The following FNDC3B variants were observed in gnomAD, a reference collection of about 807,000 sequenced individuals.
FNDC3B encodes fibronectin type III domain-containing protein 3B.
FNDC3B carries 12 observed loss-of-function variants against 151.5 expected under a neutral mutation model. That is an observed-to-expected ratio of 0.08 (90% CI 0.05 to 0.13). The LOEUF is 0.13. Ranked by LOEUF, FNDC3B falls within the 10% of genes least tolerant of loss-of-function variation. FNDC3B has a pLI of 1.00. For missense variants in FNDC3B, 1,214 were observed against 1,505.3 expected, an observed-to-expected ratio of 0.81 and a Z score of 3.20; for synonymous variants, 528 against 549.0, an observed-to-expected ratio of 0.96 and a Z score of 0.54.
At chr3:172,356,225 G>A (rs981169038) in intron 22 of FNDC3B, among the ~76,000 whole-genome samples, 11 of 152,270 alleles carry the variant, frequency 7.2e-5, no homozygotes, top group Middle Eastern at 3.4e-3. Context: ...GGTAGCAGAC[G>A]AGTCAGACAG....
intron 22 of FNDC3B, among the ~76,000 whole-genome samples, chr3:172,358,929 A>C (rs952925713): frequency 2.9e-5 from 4 of 139,746 alleles, no homozygotes; most frequent in Non-Finnish European, 6.1e-5. Context: ...ACTGCTAAAG[A>C]GTGTTAAATG....
At chr3:172,078,722 C>T (rs1718140866) in intron 1 of FNDC3B, among the ~76,000 whole-genome samples, 2 of 152,128 alleles carry the variant, frequency 1.3e-5, no homozygotes, top group South Asian at 2.1e-4. Context: ...GCAATCTGCA[C>T]TAAACACTTT....
intron 7 of FNDC3B, among the ~76,000 whole-genome samples, chr3:172,292,792 T>C (rs1470938452): frequency 1.3e-5 from 2 of 152,226 alleles, no homozygotes; most frequent in Admixed American, 1.3e-4. Context: ...TACCTCAGGA[T>C]TACTCATTAA....
At chr3:172,284,892 A>G (rs1729930660) in intron 6 of FNDC3B, among the ~76,000 whole-genome samples, 1 of 151,778 alleles carries the variant, frequency 6.6e-6, no homozygotes, top group Non-Finnish European at 1.5e-5. Context: ...CTCATAAACT[A>G]GGTTAAATGG....
intron 1 of FNDC3B, among the ~76,000 whole-genome samples, chr3:172,053,769 T>G (rs1202549959): frequency 1.9e-5 from 2 of 106,234 alleles, no homozygotes; most frequent in Admixed American, 2.2e-4. Context: ...AGGGCGAAAC[T>G]CCGTCTCAAA....
intron 3 of FNDC3B, among the ~76,000 whole-genome samples, chr3:172,181,817 G>T (rs1404678783): frequency 2.0e-5 from 2 of 99,360 alleles, no homozygotes; most frequent in East Asian, 3.3e-4. Context: ...GACAGAGCAA[G>T]ACTCCATCTC....
intron 3 of FNDC3B, among the ~76,000 whole-genome samples, chr3:172,145,515 C>T (rs1721858788): frequency 6.6e-6 from 1 of 152,168 alleles, no homozygotes; most frequent in Non-Finnish European, 1.5e-5. Flanking sequence ...CAACAGTTCT[C>T]CTTGGTTGGA....
At chr3:172,258,666 C>T (rs1309515523) in intron 6 of FNDC3B, among the ~76,000 whole-genome samples, 3 of 152,154 alleles carry the variant, frequency 2.0e-5, no homozygotes, top group African/African-American at 7.2e-5. Flanking sequence ...GGCATAGCAG[C>T]ATCCACCTGC....
intron 22 of FNDC3B, among the ~76,000 whole-genome samples, chr3:172,353,977 T>C (rs1312249760): frequency 2.7e-5 from 4 of 147,874 alleles, no homozygotes; most frequent in Non-Finnish European, 6.0e-5. Context: ...AAAAAAAACT[T>C]TAGATAGTCT....
chr3:172,321,419 T>G (rs931839521), intron 11 of FNDC3B, among the ~76,000 whole-genome samples: 2 of 152,260 alleles, frequency 1.3e-5, no homozygotes, highest in Non-Finnish European at 2.9e-5. Context: ...AAAATAACTT[T>G]TAAAATTATT....
intron 11 of FNDC3B, among the ~76,000 whole-genome samples, chr3:172,320,265 AGTT>A (rs923291803): frequency 1.4e-3 from 206 of 152,264 alleles, no homozygotes; most frequent in African/African-American, 4.8e-3. Flanking sequence ...CTGTAATCCC[AGTT>A]GCTTGGGAGG....
chr3:172,365,316 T>C (rs930579348), intron 23 of FNDC3B, among the ~76,000 whole-genome samples: 2 of 152,200 alleles, frequency 1.3e-5, no homozygotes, highest in African/African-American at 4.8e-5. Context: ...ACATACTCTT[T>C]AGCGTATGTG....
intron 6 of FNDC3B, among the ~76,000 whole-genome samples, chr3:172,259,261 G>T (rs1408674603): frequency 6.6e-6 from 1 of 152,118 alleles, no homozygotes; most frequent in Non-Finnish European, 1.5e-5. Context: ...TTTTTCAAAG[G>T]ACAGTGGGGA....
In FNDC3B at chr3:172,344,199, G is replaced by A. The variant is rs780973777; in HGVS notation, c.2191G>A (p.Gly731Ser). ...YHGPELECTV[G>S]NLLPGTVYRF... Reference sequence around the variant, plus strand: ...TGGCCCAGAGCTGGAGTGCACCGTCGGCAACCTGCTTCCTGGAACCGTGTA... The same window carrying A: ...TGGCCCAGAGCTGGAGTGCACCGTCAGCAACCTGCTTCCTGGAACCGTGTA... The change falls in exon 19 of 26, where the codon GGC (glycine) becomes AGC (serine). Residue 731 changes from glycine to serine, a missense_variant. By Grantham distance (56) the Gly-to-Ser change is moderately conservative (BLOSUM62 0). Transcript: ENST00000415807. 7 of 1,614,076 alleles carry A rather than the reference G, an allele frequency of 4.3e-6. No individual in the cohort carries two copies. The highest frequency in any genetic ancestry group is 2.2e-5 in the East Asian group (1 of 44,878).
intron 22 of FNDC3B, among the ~76,000 whole-genome samples, chr3:172,354,090 T>A (rs907397027): frequency 1.3e-5 from 2 of 152,282 alleles, no homozygotes; most frequent in Admixed American, 1.3e-4. Flanking sequence ...GGCTGATTTT[T>A]CAAAATAATG....
chr3:172,351,732 A>G (rs2108323472), intron 21 of FNDC3B, among the ~76,000 whole-genome samples: 1 of 152,294 alleles, frequency 6.6e-6, no homozygotes, highest in South Asian at 2.1e-4. Context: ...GGATGTGCTG[A>G]TGGCCTGGAG....
At chr3:172,114,466 T>C (rs1720143310) in intron 2 of FNDC3B, among the ~76,000 whole-genome samples, 1 of 152,210 alleles carries the variant, frequency 6.6e-6, no homozygotes, top group Non-Finnish European at 1.5e-5. Flanking sequence ...ACCATGTTTA[T>C]GTTTTGTTGA....
At chr3:172,185,460 AAAC>A (rs35863416) in intron 3 of FNDC3B, among the ~76,000 whole-genome samples, 83,671 of 151,688 alleles carry the variant, frequency 0.55, 23,606 homozygotes, top group African/African-American at 0.66. Context: ...CAGCTTTTTA[AAAC>A]ATGCATTGTT....
intron 1 of FNDC3B, among the ~76,000 whole-genome samples, chr3:172,051,441 A>C (rs1264760096): frequency 6.6e-6 from 1 of 152,174 alleles, no homozygotes; most frequent in Non-Finnish European, 1.5e-5. Flanking sequence ...AATCGTGGGT[A>C]CACAGTAAAT....
Sources: gnomAD v4.1 joint callset for allele counts (sites outside exome capture counted in the v4.1 genomes callset) on GRCh38, gnomAD v4.1.1 for gene constraint, MANE v1.5 for transcripts, NCBI Gene and HGNC (gene_info 2026-07-23, HGNC 2026-07-21) for gene names.